MYH9: variants seen among roughly 807,000 people sequenced by gnomAD.
MYH9 encodes myosin heavy chain 9.
In MYH9, 29 loss-of-function variants were observed where a neutral mutation model predicts 241.9. The observed-to-expected ratio is 0.12, with a 90% CI of 0.09 to 0.16. MYH9 has a LOEUF of 0.16. MYH9 is among the 10% of genes least tolerant of loss of function. The pLI is 1.00. For synonymous variants in MYH9, 1,047 were observed against 1,062.6 expected (o/e 0.99, Z 0.29); for missense variants, 1,803 against 2,595.5 (o/e 0.69, Z 6.63).
At chr22:36,369,065 C>CCAG (rs200289322) in intron 1 of MYH9, among the ~76,000 whole-genome samples, 4,367 of 152,204 alleles carry the variant, frequency 0.029, 81 homozygotes, top group Middle Eastern at 0.082. Context: ...CACACCCAGG[C>CCAG]CTCACAACCA....
At chr22:36,353,102 C>CGTGTGTGTGTGT (rs71323001) in intron 1 of MYH9, among the ~76,000 whole-genome samples, 2 of 142,876 alleles carry the variant, frequency 1.4e-5, no homozygotes, top group Non-Finnish European at 3.0e-5. Flanking sequence ...CCTCTGGGGG[C>CGTGTGTGTGTGT]GTGTGTGTGT....
intron 1 of MYH9, among the ~76,000 whole-genome samples, chr22:36,382,194 G>C (rs1192639852): frequency 6.6e-6 from 1 of 152,170 alleles, no homozygotes; most frequent in Admixed American, 6.5e-5. Flanking sequence ...CAGAGTGCTG[G>C]CCAGGTGCGG....
intron 24 of MYH9, among the ~76,000 whole-genome samples, chr22:36,297,917 G>A (rs1345015579): frequency 3.3e-5 from 5 of 152,188 alleles, no homozygotes; most frequent in Non-Finnish European, 7.3e-5. Flanking sequence ...GCATATGTGT[G>A]CTCTGACAGC....
chr22:36,375,625 G>A (rs1208451280), intron 1 of MYH9, among the ~76,000 whole-genome samples: 1 of 152,214 alleles, frequency 6.6e-6, no homozygotes, highest in African/African-American at 2.4e-5. Context: ...GAGCACCCAA[G>A]TTTGAATCCC....
At chr22:36,359,754 GCCCTC>G (rs1406447589) in intron 1 of MYH9, among the ~76,000 whole-genome samples, 1 of 152,156 alleles carries the variant, frequency 6.6e-6, no homozygotes, top group African/African-American at 2.4e-5. Context: ...AAGGTCGTGT[GCCCTC>G]CTGGAATGCT....
At position 36,315,279 on chromosome 22, in the gene MYH9, T is replaced by C. The variant is rs575569614; in HGVS notation, c.1381-961A>G. Among the ~76,000 whole-genome samples, 43 of 152,248 alleles carry C rather than the reference T, an allele frequency of 2.8e-4. No homozygotes were observed. The East Asian group carries it at 6.9e-3, about 25-fold the overall frequency. On this transcript the variant is annotated intron_variant, in intron 12 of 40. Coordinates refer to ENST00000216181, the MANE Select transcript of MYH9 (RefSeq NM_002473.6). ...TTGTATAGTTTGTTCAGTTCGCAAC[T>C]GGAAAAAATACATGATTTCAATGAG...
At position 36,305,081 on chromosome 22, in the gene MYH9, G is replaced by C; in HGVS notation, c.2181C>G (p.Asn727Lys). 6.2e-7 allele frequency: 1 copy of C among 1,614,074 alleles called. No homozygotes were observed. Among genetic ancestry groups the C allele is most frequent in the Non-Finnish European group, 8.5e-7 (1 of 1,179,906 alleles). ...FRQRYEILTP[N>K]SIPKGFMDGK... ...CGTCCATGAAACCCTTGGGAATGGA[G>C]TTTGGAGTCAGGATCTCATATCTGA... Residue 727 changes from asparagine to lysine, a missense_variant, in exon 18 of 41, where the codon AAC (asparagine) becomes AAG (lysine). Physicochemically the swap from Asn to Lys is moderately conservative, Grantham distance 94. Transcript: ENST00000216181. This position sits in a 1 kb window ranked among gnomAD's most constrained non-coding sequence, Gnocchi z 4.7.
Position 36,320,652 on chromosome 22 carries a change from G to T in MYH9, c.868+146C>A. 1 of 756,482 alleles carries T rather than the reference G, an allele frequency of 1.3e-6. No homozygotes were observed. The highest frequency in any genetic ancestry group is 2.2e-6 in the Non-Finnish European group (1 of 445,642). 46.9% of individuals were successfully genotyped at this position (756,482 alleles called of 1,614,324 possible). A position where few individuals can be genotyped will look rare whatever the true frequency, so the allele number is the denominator to read the frequency against. On this transcript the variant is annotated intron_variant, in intron 8 of 40. Transcript: ENST00000216181. The surrounding 1 kb of genome is among the most constrained non-coding windows in gnomAD (Gnocchi z 4.8). ...AACAGAAGACCAAGTCCTTAGGATG[G>T]CGCAGAGAACAGGAGTCACTCTCAC...
At chr22:36,323,964 C>T (rs964170385) in intron 5 of MYH9, among the ~76,000 whole-genome samples, 6 of 152,220 alleles carry the variant, frequency 3.9e-5, no homozygotes, top group Non-Finnish European at 8.8e-5. Flanking sequence ...CCTGGGAAGT[C>T]GGCTGAGGCA....
chr22:36,385,529 G>A (rs867539217), intron 1 of MYH9, among the ~76,000 whole-genome samples: 1 of 152,186 alleles, frequency 6.6e-6, no homozygotes, highest in Non-Finnish European at 1.5e-5. Context: ...CTACGAGAGA[G>A]AAGTTGTCCC....
chr22:36,284,270 G>A lies in MYH9; in HGVS notation c.5593-5C>T, dbSNP rs554052639. The A allele has an allele frequency of 2.2e-5, 36 of 1,608,830 alleles. No individual in the cohort carries two copies. In the African/African-American group the frequency reaches 3.9e-4, roughly 17 times the overall value. ...GCGGGTAGATGCCTTGTCGGCCTGC[G>A]GAGATGGACGTGTGGCCCGTGGCCC... is the stretch of plus-strand genomic sequence containing the variant. On this transcript the variant is annotated splice_region_variant and splice_polypyrimidine_tract_variant and intron_variant, in intron 39 of 40. Transcript: ENST00000216181.
At chr22:36,314,786 C>A (rs1282502216) in intron 12 of MYH9, among the ~76,000 whole-genome samples, 1 of 152,012 alleles carries the variant, frequency 6.6e-6, no homozygotes, top group East Asian at 1.9e-4. Flanking sequence ...GTAGCTGGGA[C>A]CCCAGGCACA....
chr22:36,296,455 C>T (rs892159495), intron 25 of MYH9, among the ~76,000 whole-genome samples: 3 of 151,000 alleles, frequency 2.0e-5, no homozygotes, highest in Non-Finnish European at 4.4e-5. Flanking sequence ...AGGCTGGTCT[C>T]GAACTCCTGA....
chr22:36,372,589 A>C (rs919944733), intron 1 of MYH9, among the ~76,000 whole-genome samples: 1 of 151,996 alleles, frequency 6.6e-6, no homozygotes, highest in Admixed American at 6.6e-5. Context: ...CATGGGAGGT[A>C]TTAAGGACTG....
At chr22:36,314,358 T>C (rs147348393) in intron 12 of MYH9, 40 bp from the exon 13 acceptor site, 6 of 1,611,638 alleles carry the variant, frequency 3.7e-6, no homozygotes, top group Middle Eastern at 2.0e-4. Context: ...ACGCCAACCC[T>C]GCACTAAAGA....
Position 36,306,194 on chromosome 22 carries a change from A to C in MYH9, c.2038-143T>G. Reference sequence around the variant, plus strand: ...CCCACAGGTTTGGACAATGAAGTCAAAGGATCCAGGTCTGGGAGGGGCCAA... The same window carrying C: ...CCCACAGGTTTGGACAATGAAGTCACAGGATCCAGGTCTGGGAGGGGCCAA... On this transcript the variant is annotated intron_variant, in intron 16 of 40. Coordinates refer to ENST00000216181, the MANE Select transcript of MYH9 (RefSeq NM_002473.6). The surrounding 1 kb of genome is among the most constrained non-coding windows in gnomAD (Gnocchi z 4.1). The C allele has an allele frequency of 7.0e-7, 1 of 1,432,902 alleles. No homozygotes were observed. Among genetic ancestry groups the C allele is most frequent in the Non-Finnish European group, 9.6e-7 (1 of 1,038,794 alleles). The allele number at this position is 1,432,902 out of a possible 1,614,324, so 88.8% of individuals were successfully genotyped here.
intron 3 of MYH9, among the ~76,000 whole-genome samples, chr22:36,331,177 C>T (rs760062749): frequency 3.9e-5 from 6 of 152,054 alleles, no homozygotes; most frequent in Admixed American, 1.3e-4. Flanking sequence ...ATGCCTGGCC[C>T]CTTGACCTCT....
rs2017409615 is a variant in MYH9, at chr22:36,330,814, G to A, written c.491-3326C>T. 6.6e-6 allele frequency among the ~76,000 whole-genome samples: 1 copy of A among 152,024 alleles called. No homozygotes were observed. Among genetic ancestry groups the A allele is most frequent in the Admixed American group, 6.6e-5 (1 of 15,266 alleles). ...AAAACGCCCTTCCTTCCTCTAAACGGGAGGAGGCCGCCAGGGACAAGCCTC... is the reference window on the plus strand; with the variant it reads ...AAAACGCCCTTCCTTCCTCTAAACGAGAGGAGGCCGCCAGGGACAAGCCTC... On this transcript the variant is annotated intron_variant, in intron 3 of 40. Transcript: ENST00000216181. The surrounding 1 kb of genome is among the most constrained non-coding windows in gnomAD (Gnocchi z 4.5).
chr22:36,296,815 G>C lies in MYH9; in HGVS notation c.3272+28C>G, dbSNP rs1026182256. On this transcript the variant is annotated intron_variant, in intron 25 of 40. Transcript: ENST00000216181. The stretch of plus-strand genomic sequence containing the variant: ...AGGAAGGGCTGGCCCAGGCCACCTG[G>C]CCTCAGGCGGGCAGGCGGGGTCCTC... The C allele has an allele frequency of 3.1e-6, 5 of 1,588,280 alleles. No homozygotes were observed. In the Admixed American group the frequency reaches 8.5e-5, roughly 27 times the overall value.
Sources: gnomAD v4.1 joint callset for allele counts (sites outside exome capture counted in the v4.1 genomes callset) on GRCh38, gnomAD v4.1.1 for gene constraint, Gnocchi (gnomAD v3.1) non-coding constraint, MANE v1.5 for transcripts, NCBI Gene and HGNC (gene_info 2026-07-23, HGNC 2026-07-21) for gene names.